Variants in SGCZ observed in about 807,000 individuals in gnomAD.
SGCZ encodes sarcoglycan zeta.
Under a neutral mutation model 41.3 loss-of-function variants are expected in SGCZ, and 40 were observed. The ratio of observed to expected loss-of-function variants is 0.97; its 90% CI spans 0.75 to 1.26. The LOEUF is 1.26. Ranked by LOEUF, SGCZ falls within the 50% of genes most tolerant of loss-of-function variation. The pLI is 0.00. For missense variants in SGCZ, 552 were observed against 369.8 expected, an observed-to-expected ratio of 1.49 and a Z score of -4.04; for synonymous variants, 206 against 137.5, an observed-to-expected ratio of 1.50 and a Z score of -3.49.
chr8:15,005,686 C>T (rs957575644), intron 1 of SGCZ, among the ~76,000 whole-genome samples: 1 of 151,186 alleles, frequency 6.6e-6, no homozygotes, highest in African/African-American at 2.4e-5. Context: ...AGCCCTAGAA[C>T]GTGGCTTCAT....
chr8:14,634,521 A>G (rs1806765157), intron 1 of SGCZ, among the ~76,000 whole-genome samples: 1 of 151,888 alleles, frequency 6.6e-6, no homozygotes, highest in Non-Finnish European at 1.5e-5. Flanking sequence ...ATCTTCTTTT[A>G]TGATATTAGT....
At chr8:14,269,461 C>T (rs1799989077) in intron 3 of SGCZ, among the ~76,000 whole-genome samples, 3 of 151,900 alleles carry the variant, frequency 2.0e-5, no homozygotes, top group Admixed American at 2.0e-4. Flanking sequence ...CAAAACGAGG[C>T]ACTGCATCAG....
chr8:14,120,817 T>C (rs1184713392), intron 5 of SGCZ, among the ~76,000 whole-genome samples: 1 of 152,150 alleles, frequency 6.6e-6, no homozygotes, highest in African/African-American at 2.4e-5. Flanking sequence ...AACATAACCA[T>C]ATGTAAGATT....
chr8:14,425,473 T>C (rs1232121038), intron 2 of SGCZ, among the ~76,000 whole-genome samples: 3 of 151,804 alleles, frequency 2.0e-5, no homozygotes, highest in Non-Finnish European at 4.4e-5. Context: ...ATACAAAAAT[T>C]AGCTGGGCTT....
intron 2 of SGCZ, among the ~76,000 whole-genome samples, chr8:14,343,232 G>A (rs765888212): frequency 6.6e-6 from 1 of 152,220 alleles, no homozygotes; most frequent in South Asian, 2.1e-4. Context: ...AGTCCAGAAG[G>A]GAAATGTGGG....
chr8:14,951,634 T>C (rs1447111234), intron 1 of SGCZ, among the ~76,000 whole-genome samples: 1 of 152,056 alleles, frequency 6.6e-6, no homozygotes, highest in Non-Finnish European at 1.5e-5. Context: ...TACCAGCATA[T>C]ACTATGACTA....
At chr8:14,500,049 T>G (rs1041770516) in intron 2 of SGCZ, among the ~76,000 whole-genome samples, 1 of 152,064 alleles carries the variant, frequency 6.6e-6, no homozygotes, top group African/African-American at 2.4e-5. Context: ...GTTTAAAACC[T>G]TTAGAGCACC....
In SGCZ at chr8:14,991,527, T is replaced by C. The variant is rs561596440; in HGVS notation, c.39+246058A>G. Among the ~76,000 whole-genome samples, 3 of 152,270 alleles carry C rather than the reference T, an allele frequency of 2.0e-5. No individual in the cohort carries two copies. In the South Asian group the frequency reaches 6.2e-4, roughly 32 times the overall value. On this transcript the variant is annotated intron_variant, in intron 1 of 7. Coordinates refer to ENST00000382080, the MANE Select transcript of SGCZ (RefSeq NM_139167.4). ...TCGGCCCAGCTCAACTTTCATGTCA[T>C]CTGGCCACGTGATGCTTTCCTTGAA...
At chr8:15,222,867 A>G (rs1480067052) in intron 1 of SGCZ, among the ~76,000 whole-genome samples, 1 of 152,072 alleles carries the variant, frequency 6.6e-6, no homozygotes, top group Non-Finnish European at 1.5e-5. Context: ...AGTACTCACT[A>G]ACAATTAAAG....
intron 1 of SGCZ, among the ~76,000 whole-genome samples, chr8:14,787,745 C>G (rs758235041): frequency 7.9e-5 from 12 of 151,962 alleles, no homozygotes; most frequent in Non-Finnish European, 1.2e-4. Flanking sequence ...ACTTGGGAGA[C>G]AGAGGCAGGA....
intron 5 of SGCZ, among the ~76,000 whole-genome samples, chr8:14,147,607 C>T (rs762067288): frequency 1.2e-4 from 18 of 152,072 alleles, no homozygotes; most frequent in Non-Finnish European, 1.5e-4. Context: ...TGTCCAAATA[C>T]GATAACTGGA....
chr8:14,250,776 G>A (rs573419886), intron 3 of SGCZ, among the ~76,000 whole-genome samples: 34 of 152,198 alleles, frequency 2.2e-4, no homozygotes, highest in Middle Eastern at 3.4e-3. Context: ...ATGTCCCAGC[G>A]CTCCTATGCA....
chr8:14,528,093 C>A (rs1309961098), intron 2 of SGCZ, among the ~76,000 whole-genome samples: 1 of 151,830 alleles, frequency 6.6e-6, no homozygotes, highest in South Asian at 2.1e-4. Context: ...CAAATGTAGA[C>A]CTTACTTGTA....
chr8:15,078,147 CT>C (rs34411963), intron 1 of SGCZ, among the ~76,000 whole-genome samples: 87 of 44,796 alleles, frequency 1.9e-3, no homozygotes, highest in East Asian at 2.0e-3. Context: ...AGGAACTCTT[CT>C]TTTTTTTTTT....
At chr8:14,920,897 G>T (rs948126028) in intron 1 of SGCZ, among the ~76,000 whole-genome samples, 1 of 152,142 alleles carries the variant, frequency 6.6e-6, no homozygotes, top group East Asian at 1.9e-4. Context: ...GCCTGAACCA[G>T]AATTGAAACA....
At chr8:14,502,101 C>T (rs557842157) in intron 2 of SGCZ, among the ~76,000 whole-genome samples, 26 of 152,058 alleles carry the variant, frequency 1.7e-4, no homozygotes, top group Non-Finnish European at 3.2e-4. Context: ...CAATTCTTTG[C>T]CTTCAACACA....
intron 4 of SGCZ, among the ~76,000 whole-genome samples, chr8:14,179,968 C>T (rs558836323): frequency 6.6e-5 from 10 of 152,142 alleles, no homozygotes; most frequent in Non-Finnish European, 1.3e-4. Context: ...CACTAGGGGC[C>T]TCTCTGCCAC....
chr8:14,511,065 A>G (rs750191747), intron 2 of SGCZ, among the ~76,000 whole-genome samples: 6 of 152,030 alleles, frequency 3.9e-5, no homozygotes, highest in Non-Finnish European at 7.4e-5. Flanking sequence ...ATGGTTACCC[A>G]AATCACTAGG....
At chr8:15,131,131 TTAAA>T (rs1239697558) in intron 1 of SGCZ, among the ~76,000 whole-genome samples, 1 of 152,178 alleles carries the variant, frequency 6.6e-6, no homozygotes, top group African/African-American at 2.4e-5. Context: ...AACTAATGAC[TTAAA>T]TAAGGTGCTT....
Sources: allele counts gnomAD v4.1 joint callset (sites outside exome capture counted in the v4.1 genomes callset), GRCh38; gene constraint gnomAD v4.1.1; transcripts MANE v1.5; gene names NCBI Gene and HGNC (gene_info 2026-07-23, HGNC 2026-07-21).